PAG1: variants seen among roughly 807,000 people sequenced by gnomAD.
PAG1 encodes the protein phosphoprotein associated with glycosphingolipid-enriched microdomains 1.
Under a neutral mutation model 31.7 loss-of-function variants are expected in PAG1, and 23 were observed. The ratio of observed to expected loss-of-function variants is 0.73; its 90% CI spans 0.52 to 1.03. PAG1 has a LOEUF of 1.03. Ranked by LOEUF, PAG1 falls within the 50% of genes least tolerant of loss-of-function variation. The pLI, the probability that PAG1 is intolerant of heterozygous loss-of-function variation, is 0.00. For synonymous variants in PAG1, 214 were observed against 210.3 expected (o/e 1.02, Z -0.15); for missense variants, 473 against 540.7 (o/e 0.87, Z 1.24).
At chr8:81,059,966 C>T (rs1356682350) in intron 2 of PAG1, among the ~76,000 whole-genome samples, 6 of 151,262 alleles carry the variant, frequency 4.0e-5, no homozygotes, top group Non-Finnish European at 7.4e-5. Flanking sequence ...TGCAGTGCGC[C>T]GAGATTGCAA....
intron 2 of PAG1, among the ~76,000 whole-genome samples, chr8:81,056,398 C>T (rs1026501967): frequency 2.0e-5 from 3 of 151,952 alleles, no homozygotes; most frequent in Non-Finnish European, 1.5e-5. Flanking sequence ...CAGAACGGAG[C>T]CCTCAGAAAT....
At chr8:81,111,266 A>G (rs779095415) in intron 1 of PAG1, among the ~76,000 whole-genome samples, 5 of 152,134 alleles carry the variant, frequency 3.3e-5, no homozygotes, top group Non-Finnish European at 5.9e-5. Flanking sequence ...AGGTGACAAG[A>G]CCCTGCCCAG....
chr8:80,980,377 G>C, intron 8 of PAG1, 58 bp downstream of exon 8: 2 of 903,238 alleles, frequency 2.2e-6, no homozygotes, highest in South Asian at 2.7e-5. Context: ...ATTTATTCAA[G>C]GGGGGAAGGT....
chr8:81,085,994 T>TTTTCC (rs1339624034), intron 1 of PAG1, among the ~76,000 whole-genome samples: 6 of 134,922 alleles, frequency 4.4e-5, no homozygotes, highest in African/African-American at 1.8e-4. Flanking sequence ...TTTTTTTTTT[T>TTTTCC]TTTTTGAGAC....
At chr8:81,010,473 A>AG (rs1807962348) in intron 3 of PAG1, among the ~76,000 whole-genome samples, 1 of 152,208 alleles carries the variant, frequency 6.6e-6, no homozygotes, top group Non-Finnish European at 1.5e-5. Flanking sequence ...AGCATTTTCA[A>AG]ATATAAAAAT....
chr8:81,095,490 C>CT (rs754184336), intron 1 of PAG1, among the ~76,000 whole-genome samples: 18 of 152,210 alleles, frequency 1.2e-4, no homozygotes, highest in Admixed American at 1.3e-4. Flanking sequence ...AGGGTGGTCT[C>CT]AATTCATGCA....
chr8:81,062,822 G>A (rs1808940276), intron 2 of PAG1, among the ~76,000 whole-genome samples: 1 of 152,094 alleles, frequency 6.6e-6, no homozygotes, highest in Admixed American at 6.5e-5. Context: ...GGGATTAAGG[G>A]CACAAGTCTT....
At chr8:81,043,754 A>G (rs989636627) in intron 2 of PAG1, among the ~76,000 whole-genome samples, 1 of 152,232 alleles carries the variant, frequency 6.6e-6, no homozygotes, top group Non-Finnish European at 1.5e-5. Flanking sequence ...TTTTCATTTT[A>G]TTCTCCTGCT....
chr8:81,111,320 G>T (rs1411244614), intron 1 of PAG1, among the ~76,000 whole-genome samples: 1 of 152,174 alleles, frequency 6.6e-6, no homozygotes, highest in Non-Finnish European at 1.5e-5. Context: ...AGCTTGGAAT[G>T]AATAATTAGC....
chr8:81,021,650 C>T (rs1295304644), intron 3 of PAG1, among the ~76,000 whole-genome samples: 1 of 151,386 alleles, frequency 6.6e-6, no homozygotes, highest in Non-Finnish European at 1.5e-5. Flanking sequence ...ACAATTCTCA[C>T]GTTCTCTAAT....
chr8:81,103,244 T>C lies in PAG1; in HGVS notation c.-234+8347A>G, dbSNP rs1809637739. ...CCTGTGGCCCATCAAATATAGAAAT[T>C]GTAGCTGATACAGCTTCTACTGTTG... On this transcript the variant is annotated intron_variant, in intron 1 of 8. Coordinates refer to ENST00000220597, the MANE Select transcript of PAG1 (RefSeq NM_018440.4). Among the ~76,000 whole-genome samples the C allele has an allele frequency of 3.3e-5, 5 of 151,974 alleles. No homozygotes were observed. In the South Asian group the frequency reaches 1.0e-3, roughly 31 times the overall value.
intron 1 of PAG1, among the ~76,000 whole-genome samples, chr8:81,105,098 C>T (rs1429746558): frequency 6.6e-6 from 1 of 152,084 alleles, no homozygotes; most frequent in East Asian, 1.9e-4. Context: ...TCCTGGTACC[C>T]TCCTACTGGC....
At chr8:81,046,512 G>A (rs1350917490) in intron 2 of PAG1, among the ~76,000 whole-genome samples, 1 of 152,124 alleles carries the variant, frequency 6.6e-6, no homozygotes. Flanking sequence ...ATTGCTTTAT[G>A]GGTACAGGAC....
chr8:81,055,471 T>C (rs1273119235), intron 2 of PAG1, among the ~76,000 whole-genome samples: 1 of 152,136 alleles, frequency 6.6e-6, no homozygotes, highest in Non-Finnish European at 1.5e-5. Context: ...ATACATTTAA[T>C]AACTGAGTAT....
chr8:81,105,222 T>A (rs1053714255), intron 1 of PAG1, among the ~76,000 whole-genome samples: 3 of 152,136 alleles, frequency 2.0e-5, no homozygotes, highest in Non-Finnish European at 4.4e-5. Context: ...CTGCTCAGTG[T>A]CTCCTTCCCT....
intron 2 of PAG1, among the ~76,000 whole-genome samples, chr8:81,042,966 T>C (rs16908438): frequency 0.034 from 5,187 of 152,278 alleles, 113 homozygotes; most frequent in African/African-American, 0.052. Flanking sequence ...CCAATCATAG[T>C]TGAAGATGCA....
At chr8:80,991,229 C>G (rs1220015840) in intron 5 of PAG1, among the ~76,000 whole-genome samples, 1 of 152,188 alleles carries the variant, frequency 6.6e-6, no homozygotes, top group East Asian at 1.9e-4. Context: ...TGTTTGCGGT[C>G]CTTTGTTATG....
chr8:81,099,936 C>G (rs2131104172), intron 1 of PAG1, among the ~76,000 whole-genome samples: 1 of 152,300 alleles, frequency 6.6e-6, no homozygotes, highest in East Asian at 1.9e-4. Context: ...CTTTTTATGT[C>G]AACACCTTCC....
intron 1 of PAG1, among the ~76,000 whole-genome samples, chr8:81,085,238 G>A (rs1452430114): frequency 1.3e-5 from 2 of 152,018 alleles, no homozygotes; most frequent in African/African-American, 2.4e-5. Flanking sequence ...CTCTTCCTTC[G>A]TTGAACAGAA....
Sources: allele counts gnomAD v4.1 joint callset (sites outside exome capture counted in the v4.1 genomes callset), GRCh38; gene constraint gnomAD v4.1.1; transcripts MANE v1.5; gene names NCBI Gene and HGNC (gene_info 2026-07-23, HGNC 2026-07-21).